TRIM2: variants seen among roughly 807,000 people sequenced by gnomAD.
The protein encoded by TRIM2 is tripartite motif containing 2.
TRIM2 carries 20 observed loss-of-function variants against 75.2 expected under a neutral mutation model. That is an observed-to-expected ratio of 0.27 (90% CI 0.19 to 0.39). The LOEUF is 0.39. Ranked by LOEUF, TRIM2 falls within the 10% of genes least tolerant of loss-of-function variation. The pLI, the probability that TRIM2 is intolerant of heterozygous loss-of-function variation, is 1.00. For synonymous variants in TRIM2, 373 were observed against 388.3 expected, an observed-to-expected ratio of 0.96 and a Z score of 0.46; for missense variants, 660 against 990.8, an observed-to-expected ratio of 0.67 and a Z score of 4.48.
upstream of TRIM2, among the ~76,000 whole-genome samples, chr4:153,203,663 G>C (rs543182521): frequency 6.6e-6 from 1 of 151,534 alleles, no homozygotes; most frequent in Admixed American, 6.6e-5. Context: ...AGGCCAAGGC[G>C]GGCGGATCAC....
chr4:153,301,798 A>T (rs1222836527), intron 6 of TRIM2, among the ~76,000 whole-genome samples: 1 of 152,340 alleles, frequency 6.6e-6, no homozygotes, highest in Non-Finnish European at 1.5e-5. Flanking sequence ...TCAACTATAA[A>T]TGTATGGATT....
chr4:153,269,735 A>G (rs1756162249), intron 1 of TRIM2, among the ~76,000 whole-genome samples: 1 of 152,164 alleles, frequency 6.6e-6, no homozygotes, highest in Non-Finnish European at 1.5e-5. Flanking sequence ...TTTGAAGCCC[A>G]GCGAGCATAC....
chr4:153,189,196 A>G (rs6535903), intron 1 of TRIM2, among the ~76,000 whole-genome samples: 43,783 of 152,010 alleles, frequency 0.29, 8,022 homozygotes, highest in African/African-American at 0.52. Flanking sequence ...CTTGTACTTC[A>G]GTAAAGAATA....
chr4:153,329,493 A>C (rs1228192095), intron 11 of TRIM2, among the ~76,000 whole-genome samples: 2 of 151,722 alleles, frequency 1.3e-5, no homozygotes, highest in Non-Finnish European at 2.9e-5. Flanking sequence ...TGCCATCTCA[A>C]GAAGCTAGAA....
At chr4:153,310,243 TTAAAG>T (rs1280067676) in intron 6 of TRIM2, 6 of 152,234 alleles carry the variant, frequency 3.9e-5, no homozygotes, top group Non-Finnish European at 8.8e-5. Flanking sequence ...ATCTTTTACA[TTAAAG>T]TAGATAGAAA....
Position 153,339,060 on chromosome 4 carries a change from T to C in TRIM2, c.*4094T>C, listed in dbSNP as rs1355003113. On this transcript the variant is annotated 3_prime_UTR_variant, in exon 12 of 12. Transcript: ENST00000338700. The stretch of plus-strand genomic sequence containing the variant: ...ACACTAAGTCTTGCACTCTCTGACA[T>C]TGATACTGATATATTCTCGTCATTT... 3.0e-6 allele frequency: 3 copies of C among 985,802 alleles called. No individual in the cohort carries two copies. Among genetic ancestry groups the C allele is most frequent in the South Asian group, 4.7e-5 (1 of 21,284 alleles). The allele number at this position is 985,802 out of a possible 1,614,324, so 61.1% of individuals were successfully genotyped here. A position where few individuals can be genotyped will look rare whatever the true frequency, so the allele number is the denominator to read the frequency against.
chr4:153,332,527 C>A (rs10026771), intron 11 of TRIM2, among the ~76,000 whole-genome samples: 3,662 of 152,110 alleles, frequency 0.024, 110 homozygotes, highest in East Asian at 0.074. Flanking sequence ...TGCCTGTAAT[C>A]CCAGCTACTT....
intron 1 of TRIM2, among the ~76,000 whole-genome samples, chr4:153,228,121 T>C (rs142471317): frequency 6.6e-6 from 1 of 152,302 alleles, no homozygotes; most frequent in East Asian, 1.9e-4. Context: ...GATAAAAGGG[T>C]ACCCAAATGG....
intron 3 of TRIM2, among the ~76,000 whole-genome samples, chr4:153,288,544 G>C (rs1761170394): frequency 6.6e-6 from 1 of 152,148 alleles, no homozygotes; most frequent in Non-Finnish European, 1.5e-5. Flanking sequence ...TTATGGTTTG[G>C]TTATACTGTT....
intron 1 of TRIM2, among the ~76,000 whole-genome samples, chr4:153,207,979 G>C (rs1358376543): frequency 6.6e-6 from 1 of 152,200 alleles, no homozygotes; most frequent in African/African-American, 2.4e-5. Flanking sequence ...AGGAATAATA[G>C]ATGGGTCTTG....
intron 10 of TRIM2, among the ~76,000 whole-genome samples, chr4:153,326,201 T>C (rs1245268136): frequency 6.6e-6 from 1 of 152,368 alleles, no homozygotes; most frequent in East Asian, 1.9e-4. Flanking sequence ...TTCATGTGAA[T>C]AATTTTTAAG....
At chr4:153,325,532 C>A (rs1480259644) in intron 10 of TRIM2, among the ~76,000 whole-genome samples, 8 of 152,200 alleles carry the variant, frequency 5.3e-5, no homozygotes, top group African/African-American at 1.7e-4. Flanking sequence ...GGGCTGGGGA[C>A]TGCCTCCCCA....
intron 1 of TRIM2, among the ~76,000 whole-genome samples, chr4:153,241,961 T>G (rs1311961836): frequency 6.6e-6 from 1 of 152,198 alleles, no homozygotes; most frequent in Non-Finnish European, 1.5e-5. Flanking sequence ...AAGATTGGGT[T>G]TTCCCATTTC....
intron 1 of TRIM2, among the ~76,000 whole-genome samples, chr4:153,193,918 T>A (rs1185633370): frequency 3.3e-5 from 5 of 151,970 alleles, no homozygotes; most frequent in African/African-American, 1.2e-4. Flanking sequence ...GAGAGAAGGA[T>A]GTGCAGGTGA....
intron 1 of TRIM2, among the ~76,000 whole-genome samples, chr4:153,263,765 G>C (rs748654967): frequency 3.3e-5 from 5 of 152,182 alleles, no homozygotes; most frequent in Admixed American, 6.6e-5. Context: ...CTGAGATCAG[G>C]GTGCCCCCAT....
At chr4:153,189,723 C>G (rs1732993119) in intron 1 of TRIM2, among the ~76,000 whole-genome samples, 1 of 152,150 alleles carries the variant, frequency 6.6e-6, no homozygotes, top group African/African-American at 2.4e-5. Flanking sequence ...GCACCCAGAA[C>G]AATGTCTGGA....
intron 1 of TRIM2, among the ~76,000 whole-genome samples, chr4:153,184,758 G>A (rs1262531693): frequency 6.6e-6 from 1 of 152,200 alleles, no homozygotes; most frequent in Non-Finnish European, 1.5e-5. Context: ...CAATACTGCT[G>A]CTTTTATCCT....
At chr4:153,260,072 G>A (rs576123200) in intron 1 of TRIM2, among the ~76,000 whole-genome samples, 11 of 152,280 alleles carry the variant, frequency 7.2e-5, no homozygotes, top group Admixed American at 2.0e-4. Context: ...TATACCAGGA[G>A]CAAACAGGAG....
intron 1 of TRIM2, among the ~76,000 whole-genome samples, chr4:153,160,142 T>C (rs986968612): frequency 1.3e-5 from 2 of 152,232 alleles, no homozygotes; most frequent in Admixed American, 1.3e-4. Flanking sequence ...TGAACCATCT[T>C]TTTATGACCT....
Sources: gnomAD v4.1 joint callset for allele counts (sites outside exome capture counted in the v4.1 genomes callset) on GRCh38, gnomAD v4.1.1 for gene constraint, MANE v1.5 for transcripts, NCBI Gene and HGNC (gene_info 2026-07-23, HGNC 2026-07-21) for gene names.